COG7: variants seen among roughly 807,000 people sequenced by gnomAD.
COG7 encodes the protein conserved oligomeric Golgi complex subunit 7.
In COG7, 49 loss-of-function variants were observed where a neutral mutation model predicts 91.5. That is an observed-to-expected ratio of 0.54 (90% confidence interval 0.43 to 0.68). The LOEUF (loss-of-function observed/expected upper bound fraction) is 0.68, where lower values mean the gene tolerates loss of function less well. Ranked by LOEUF, COG7 falls within the 30% of genes least tolerant of loss-of-function variation. The pLI, the probability that COG7 is intolerant of heterozygous loss-of-function variation, is 0.00. For synonymous variants in COG7, 365 were observed against 388.7 expected (o/e 0.94, Z 0.72); for missense variants, 895 against 961.3 (o/e 0.93, Z 0.91).
At chr16:23,420,676 T>C (rs534343672) in intron 7 of COG7, among the ~76,000 whole-genome samples, 7 of 152,344 alleles carry the variant, frequency 4.6e-5, no homozygotes, top group African/African-American at 1.4e-4. Flanking sequence ...TAAAGTAATG[T>C]GGGTCTAACA....
chr16:23,441,595 C>T (rs1300947848), intron 4 of COG7, among the ~76,000 whole-genome samples: 4 of 152,102 alleles, frequency 2.6e-5, no homozygotes, highest in African/African-American at 9.7e-5. Context: ...AAAAAATTTA[C>T]TGGCACACAG....
chr16:23,447,916 T>TAAATAA (rs544803677), intron 1 of COG7, among the ~76,000 whole-genome samples: 44 of 151,778 alleles, frequency 2.9e-4, no homozygotes, highest in Non-Finnish European at 5.4e-4. Flanking sequence ...AATAAATAAA[T>TAAATAA]AAATAAAAAT....
rs74012178 is a variant in COG7, at chr16:23,445,117, G to A, written c.366C>T (p.Ala122=). Residue 122 remains alanine (A), a synonymous_variant, in exon 3 of 17, where the codon GCC becomes GCT. Transcript: ENST00000307149. Reference sequence around the variant, plus strand: ...ACTTATCTGCTTCCTGAAGAGATTCGGCAGCAAGTTGCATTCTGGACTTCA... The same window carrying A: ...ACTTATCTGCTTCCTGAAGAGATTCAGCAGCAAGTTGCATTCTGGACTTCA... ...DQVKSRMQLA[A]ESLQEADKWS... 1,618 of 1,614,020 alleles carry A rather than the reference G, an allele frequency of 1.0e-3. 16 individuals are homozygous for A. In the African/African-American group the frequency reaches 0.019, roughly 19 times the overall value.
At chr16:23,421,587 C>A (rs1963756799) in intron 7 of COG7, among the ~76,000 whole-genome samples, 1 of 151,670 alleles carries the variant, frequency 6.6e-6, no homozygotes, top group Non-Finnish European at 1.5e-5. Flanking sequence ...TTGCTAATAA[C>A]CAAAGTGAAA....
chr16:23,428,273 C>T (rs1963880039), intron 6 of COG7, among the ~76,000 whole-genome samples: 1 of 151,728 alleles, frequency 6.6e-6, no homozygotes, highest in South Asian at 2.1e-4. Flanking sequence ...TGCTTGAACC[C>T]AGGAGGCGGA....
At chr16:23,437,808 C>T (rs1358350604) in intron 4 of COG7, among the ~76,000 whole-genome samples, 4 of 152,160 alleles carry the variant, frequency 2.6e-5, no homozygotes, top group Admixed American at 6.5e-5. Context: ...AACTTGGGGC[C>T]GGGCACAGTG....
In COG7 at chr16:23,442,481, AGCCT is replaced by A. The variant is rs1289676198; in HGVS notation, c.596_599del (p.Gln199LeufsTer2). On this transcript the variant is annotated frameshift_variant, in exon 4 of 17. Coordinates refer to ENST00000307149, the MANE Select transcript of COG7 (RefSeq NM_153603.4). LOFTEE classifies it high-confidence loss of function. ...TGAGAAGCAGCTAGCACTCACCTAC[AGCCT>A]GAGAGGTGAATGCCGCTACAATCTG... The A allele has an allele frequency of 6.2e-7, 1 of 1,613,796 alleles. No individual in the cohort carries two copies. Among genetic ancestry groups the A allele is most frequent in the African/African-American group, 1.3e-5 (1 of 74,928 alleles).
chr16:23,434,594 C>G (rs1275482635), intron 5 of COG7, 42 bp downstream of exon 5: 2 of 1,371,808 alleles, frequency 1.5e-6, no homozygotes, highest in Admixed American at 1.7e-5. Flanking sequence ...GAGTTATGAG[C>G]ATTCCACAAC....
chr16:23,403,368 C>T (rs1963408380), intron 13 of COG7, among the ~76,000 whole-genome samples: 1 of 152,172 alleles, frequency 6.6e-6, no homozygotes, highest in Non-Finnish European at 1.5e-5. Context: ...TCTCAAAAGA[C>T]AATTAGCTCT....
rs1963416584 is a variant in COG7, at chr16:23,403,800, G to A, written c.1697C>T (p.Ala566Val). The change falls in exon 13 of 17, where the codon GCA becomes GTA. Residue 566 changes from alanine to valine, a missense_variant. Physicochemically the swap from Ala to Val is moderately conservative, Grantham distance 64. Coordinates refer to ENST00000307149, the MANE Select transcript of COG7 (RefSeq NM_153603.4). ...KGSSNHNLLA[A>V]PRAALTRLNQ... is the part of the protein sequence containing the mutation. ...AAGCCGAGTCAGCGCTGCTCGAGGT[G>A]CAGCCAGCAGGTTGTGGTTGCTTGA... 6.2e-7 allele frequency: 1 copy of A among 1,614,230 alleles called. No homozygotes were observed. Among genetic ancestry groups the A allele is most frequent in the Non-Finnish European group, 8.5e-7 (1 of 1,180,038 alleles).
rs537739247 is a variant in COG7 at position 23,439,439 on chromosome 16, T to A, written c.604+3038A>T. Among the ~76,000 whole-genome samples the A allele has an allele frequency of 2.0e-5, 3 of 151,778 alleles. No homozygotes were observed. In the East Asian group the frequency reaches 5.8e-4, roughly 29 times the overall value. ...ATGATCATTCTAGCATTCTTCACAA[T>A]AGCCAAAAGGTAGAAATAACCTAAA... On this transcript the variant is annotated intron_variant, in intron 4 of 16. Coordinates refer to ENST00000307149, the MANE Select transcript of COG7 (RefSeq NM_153603.4).
At chr16:23,408,867 T>C (rs1025862627) in intron 11 of COG7, among the ~76,000 whole-genome samples, 11 of 151,350 alleles carry the variant, frequency 7.3e-5, no homozygotes, top group African/African-American at 2.7e-4. Flanking sequence ...GGGGACACAA[T>C]AGATAAAAGA....
intron 9 of COG7, chr16:23,415,509 T>C (rs1963637786): frequency 6.6e-6 from 1 of 152,114 alleles, no homozygotes. Flanking sequence ...TTTCTCACAA[T>C]ACACATTTCC....
At chr16:23,450,960 G>A (rs866719522) in intron 1 of COG7, among the ~76,000 whole-genome samples, 6 of 152,252 alleles carry the variant, frequency 3.9e-5, no homozygotes, top group Non-Finnish European at 8.8e-5. Context: ...TTGGGAGGCC[G>A]AGGTGGGTGG....
chr16:23,445,229 A>C, intron 2 of COG7, 65 bp from the exon 3 acceptor site: 1 of 1,094,384 alleles, frequency 9.1e-7, no homozygotes, highest in Non-Finnish European at 1.4e-6. Flanking sequence ...GCCACCAGGG[A>C]CTTGAAATGT....
rs115543944 is a variant in COG7 at position 23,442,514 on chromosome 16, A to G, written c.567T>C (p.Ser189=). 1.5e-4 allele frequency: 248 copies of G among 1,614,112 alleles called. No homozygotes were observed. The African/African-American group carries it at 3.0e-3, about 20-fold the overall frequency. ...AGGTGAATGCCGCTACAATCTGTGG[A>G]CTGGCTAGGGCCTCCAGCCTGTTCT... The part of the protein sequence containing the change: ...ALKNRLEALA[S]PQIVAAFTSQ... The change falls in exon 4 of 17, where the codon AGT becomes AGC. Residue 189 remains serine (S), a synonymous_variant. Coordinates refer to ENST00000307149, the MANE Select transcript of COG7 (RefSeq NM_153603.4).
chr16:23,418,247 G>A (rs772039048), intron 8 of COG7, among the ~76,000 whole-genome samples: 2 of 152,210 alleles, frequency 1.3e-5, no homozygotes, highest in Non-Finnish European at 2.9e-5. Flanking sequence ...GCACATGCCT[G>A]TAATTCCAGT....
chr16:23,445,526 G>A (rs928107773), intron 2 of COG7, among the ~76,000 whole-genome samples: 2 of 152,116 alleles, frequency 1.3e-5, no homozygotes, highest in African/African-American at 2.4e-5. Flanking sequence ...GGTGTTGCAC[G>A]TCTGTGATCC....
chr16:23,409,295 CT>C (rs925744645), intron 11 of COG7, among the ~76,000 whole-genome samples: 3 of 152,114 alleles, frequency 2.0e-5, no homozygotes, highest in African/African-American at 7.2e-5. Flanking sequence ...ATGATCACTT[CT>C]CTGCAGAAAG....
Sources: allele counts gnomAD v4.1 joint callset (sites outside exome capture counted in the v4.1 genomes callset), GRCh38; gene constraint gnomAD v4.1.1; transcripts MANE v1.5; gene names NCBI Gene and HGNC (gene_info 2026-07-23, HGNC 2026-07-21).